The following PUDP variants were observed in gnomAD, a reference collection of about 807,000 sequenced individuals.
PUDP encodes the protein pseudouridine 5'-phosphatase, also known as pseudouridine-5'-phosphatase.
PUDP carries 8 observed loss-of-function variants against 9.4 expected under a neutral mutation model. That is an observed-to-expected ratio of 0.85 (90% CI 0.50 to 1.53). PUDP has a LOEUF of 1.53. Ranked by LOEUF, PUDP falls within the 40% of genes most tolerant of loss-of-function variation. The pLI, the probability that PUDP is intolerant of heterozygous loss-of-function variation, is 0.00. For synonymous variants in PUDP, 99 were observed against 80.7 expected (o/e 1.23, Z -1.22); for missense variants, 188 against 189.7 (o/e 0.99, Z 0.05).
intron 3 of PUDP, among the ~76,000 whole-genome samples, chrX:6,825,919 G>A (rs1926416859): frequency 9.0e-6 from 1 of 111,528 alleles, no homozygotes; most frequent in African/African-American, 3.3e-5. Flanking sequence ...AACAAGGCTG[G>A]GGTATGCACA....
intron 1 of PUDP, among the ~76,000 whole-genome samples, chrX:7,005,415 T>TATTATC (rs1569138552): frequency 1.8e-5 from 2 of 109,258 alleles, no homozygotes; most frequent in African/African-American, 6.7e-5. Flanking sequence ...TTATTATTAT[T>TATTATC]ATTATTATTT....
chrX:6,844,450 C>T (rs1336919966), intron 3 of PUDP, among the ~76,000 whole-genome samples: 3 of 112,152 alleles, frequency 2.7e-5, no homozygotes, highest in African/African-American at 9.7e-5. Flanking sequence ...CCAATTCTAA[C>T]GGGGAAAATG....
At chrX:6,975,787 C>A (rs770737433) in intron 3 of PUDP, among the ~76,000 whole-genome samples, 83 of 112,220 alleles carry the variant, frequency 7.4e-4, no homozygotes, top group Middle Eastern at 4.6e-3. Flanking sequence ...GGCAGGAATG[C>A]TGAAGCTGCG....
At chrX:6,740,930 G>A (rs1924928318) in intron 3 of PUDP, among the ~76,000 whole-genome samples, 2 of 111,712 alleles carry the variant, frequency 1.8e-5, no homozygotes, top group Admixed American at 1.9e-4. Flanking sequence ...AGGCTGAGGT[G>A]GGCAGATCAC....
chrX:7,135,586 G>A lies in PUDP; in HGVS notation c.61+12467C>T, dbSNP rs1253788107. ...ACTGTAATGTTCGAGAGAGCTGAAGGTTCTGAAACTATTTCTTCCATATCT... is the reference window on the plus strand; with the variant it reads ...ACTGTAATGTTCGAGAGAGCTGAAGATTCTGAAACTATTTCTTCCATATCT... On this transcript the variant is annotated intron_variant, in intron 1 of 3. Transcript: ENST00000381077. Among the ~76,000 whole-genome samples, 3 of 111,964 alleles carry A rather than the reference G, an allele frequency of 2.7e-5. No individual in the cohort carries two copies. In the East Asian group the frequency reaches 8.4e-4, roughly 31 times the overall value.
chrX:7,107,829 CA>C (rs756386433), intron 1 of PUDP, among the ~76,000 whole-genome samples: 2 of 111,627 alleles, frequency 1.8e-5, no homozygotes, highest in African/African-American at 6.5e-5. Context: ...ATTATGTCTT[CA>C]AAAAAAAGAG....
At chrX:6,816,287 T>A (rs932161608) in intron 3 of PUDP, among the ~76,000 whole-genome samples, 2 of 105,250 alleles carry the variant, frequency 1.9e-5, no homozygotes, top group Non-Finnish European at 3.9e-5. Flanking sequence ...TATGTATATA[T>A]ACTATATGCA....
rs12116287 is a variant in PUDP at position 6,799,082 on chromosome X, G to A, written c.*248-92616C>T. On this transcript the variant is annotated intron_variant and NMD_transcript_variant, in intron 3 of 3. Coordinates refer to the PUDP transcript ENST00000655425. Reference sequence around the variant, plus strand: ...TTACAGGCATGAGCCACCATGCTTAGCCCATGTAATCTCTTCATGTGACTA... The same window carrying A: ...TTACAGGCATGAGCCACCATGCTTAACCCATGTAATCTCTTCATGTGACTA... 8.2e-3 allele frequency among the ~76,000 whole-genome samples: 924 copies of A among 112,873 alleles called. 9 individuals are homozygous for A. The highest frequency in any genetic ancestry group is 0.028 in the African/African-American group (872 of 31,145).
chrX:7,148,087 G>T lies in PUDP; in HGVS notation c.27C>A (p.Thr9=). ...GTCCGTCCATGTCAAAGATGAGGTG[G>T]GTGACGGGCTGCGGGGGCGCCGCCA... is the stretch of plus-strand genomic sequence containing the variant. MAAPPQPV[T]HLIFDMDGLL... Residue 9 remains threonine, a synonymous_variant, in exon 1 of 4, where the codon ACC becomes ACA. Transcript: ENST00000381077. 1 of 1,136,852 alleles carries T rather than the reference G, an allele frequency of 8.8e-7. No homozygotes were observed. Among genetic ancestry groups the T allele is most frequent in the East Asian group, 3.7e-5 (1 of 27,367 alleles). The allele number at this position is 1,136,852 out of a possible 1,213,427, so 93.7% of individuals were successfully genotyped here. A position where few individuals can be genotyped will look rare whatever the true frequency, so the allele number is the denominator to read the frequency against.
chrX:7,025,062 G>T (rs1929690730), intron 1 of PUDP, among the ~76,000 whole-genome samples: 3 of 111,385 alleles, frequency 2.7e-5, no homozygotes, highest in African/African-American at 9.8e-5. Context: ...AATCTGCCCA[G>T]GCATGAACGG....
chrX:6,902,759 G>A (rs1368427186), intron 3 of PUDP, among the ~76,000 whole-genome samples: 1 of 111,560 alleles, frequency 9.0e-6, no homozygotes, highest in Non-Finnish European at 1.9e-5. Flanking sequence ...GTGAGAGAGA[G>A]TTCCAGGGGG....
upstream of PUDP, among the ~76,000 whole-genome samples, chrX:6,722,074 A>G (rs186057245): frequency 3.5e-4 from 39 of 110,790 alleles, no homozygotes; most frequent in African/African-American, 1.2e-3. Flanking sequence ...AATTGTGTGT[A>G]GAAATGGGGG....
At chrX:6,766,071 T>C (rs1300075753) in intron 3 of PUDP, among the ~76,000 whole-genome samples, 2 of 110,978 alleles carry the variant, frequency 1.8e-5, no homozygotes, top group African/African-American at 3.3e-5. Context: ...GGAGGACAGA[T>C]GGAAGTGGCA....
intron 1 of PUDP, among the ~76,000 whole-genome samples, chrX:7,134,197 C>T (rs560198235): frequency 2.7e-5 from 3 of 112,060 alleles, no homozygotes; most frequent in East Asian, 5.6e-4. Flanking sequence ...TTCACCTAAG[C>T]TAAAGTGGTT....
chrX:7,107,720 C>G (rs1206094707), intron 1 of PUDP, among the ~76,000 whole-genome samples: 1 of 112,314 alleles, frequency 8.9e-6, no homozygotes, highest in African/African-American at 3.2e-5. Flanking sequence ...CCCAGCTACT[C>G]AGGAGGCTGG....
chrX:6,773,306 G>C (rs1247399068), intron 3 of PUDP, among the ~76,000 whole-genome samples: 1 of 112,052 alleles, frequency 8.9e-6, no homozygotes, highest in Non-Finnish European at 1.9e-5. Context: ...TTGTGATACA[G>C]GTTTCAGTGA....
Position 7,107,978 on chromosome X carries a change from T to G in PUDP, c.62-2140A>C, listed in dbSNP as rs754337212. Among the ~76,000 whole-genome samples the G allele has an allele frequency of 3.6e-5, 4 of 112,555 alleles. No individual in the cohort carries two copies. The Admixed American group carries it at 3.7e-4, about 10-fold the overall frequency. On this transcript the variant is annotated intron_variant, in intron 1 of 3. Coordinates refer to ENST00000381077, the MANE Select transcript of PUDP (RefSeq NM_012080.5). ...GGTCTCTTGTGAGCCGCTGCAATGG[T>G]AGGGCCACCTGTGCTTTGTCTCCTG...
chrX:6,840,572 T>C (rs1340848974), intron 3 of PUDP, among the ~76,000 whole-genome samples: 1 of 111,866 alleles, frequency 8.9e-6, no homozygotes, highest in African/African-American at 3.3e-5. Flanking sequence ...TAAAAATATA[T>C]TGGTGTATTC....
At chrX:6,846,761 T>C (rs772590056) in intron 3 of PUDP, among the ~76,000 whole-genome samples, 18 of 111,709 alleles carry the variant, frequency 1.6e-4, no homozygotes, top group African/African-American at 5.8e-4. Context: ...TATATATTAA[T>C]ATATTGTCTT....
Sources: allele counts gnomAD v4.1 joint callset (sites outside exome capture counted in the v4.1 genomes callset), GRCh38; gene constraint gnomAD v4.1.1; transcripts MANE v1.5; gene names NCBI Gene and HGNC (gene_info 2026-07-23, HGNC 2026-07-21).